The following NEK1 variants were observed in gnomAD, a reference collection of about 807,000 sequenced individuals.
The protein encoded by NEK1 is NIMA related kinase 1, also known as serine/threonine-protein kinase Nek1.
NEK1 carries 137 observed loss-of-function variants against 182.1 expected under a neutral mutation model. The observed-to-expected ratio is 0.75, with a 90% CI of 0.65 to 0.87. The LOEUF is 0.87. Among genes scored for constraint, NEK1 ranks in the 40% least tolerant of loss-of-function variants. The pLI is 0.00. For missense variants in NEK1, 1,391 were observed against 1,494.4 expected (o/e 0.93, Z 1.14); for synonymous variants, 513 against 492.2 (o/e 1.04, Z -0.56).
At chr4:169,514,546 AAC>A (rs1438120564) in intron 19 of NEK1, among the ~76,000 whole-genome samples, 1 of 152,168 alleles carries the variant, frequency 6.6e-6, no homozygotes, top group Non-Finnish European at 1.5e-5. Flanking sequence ...CAACTTTTAA[AAC>A]AGTTATAGGA....
intron 12 of NEK1, among the ~76,000 whole-genome samples, chr4:169,565,864 T>G (rs1763596778): frequency 1.3e-5 from 2 of 152,194 alleles, no homozygotes; most frequent in South Asian, 4.1e-4. Context: ...GATAAAAATG[T>G]TCTAAAATTG....
chr4:169,453,104 A>G (rs2149473312), intron 27 of NEK1, among the ~76,000 whole-genome samples: 1 of 152,348 alleles, frequency 6.6e-6, no homozygotes. Flanking sequence ...TCAACTTACA[A>G]GGGATGTGAA....
chr4:169,422,913 G>A (rs1372835584), intron 31 of NEK1, among the ~76,000 whole-genome samples: 2 of 152,154 alleles, frequency 1.3e-5, no homozygotes, highest in Non-Finnish European at 2.9e-5. Flanking sequence ...TTGTATGATA[G>A]TCCTTATCTA....
intron 8 of NEK1, 101 bp from the exon 9 acceptor site, chr4:169,587,714 C>A: frequency 3.2e-6 from 2 of 630,954 alleles, no homozygotes; most frequent in Admixed American, 3.4e-5. Flanking sequence ...AATATGTGCT[C>A]CAGAAAAAAT....
intron 26 of NEK1, among the ~76,000 whole-genome samples, chr4:169,465,497 G>A (rs1744758138): frequency 6.6e-6 from 1 of 152,046 alleles, no homozygotes; most frequent in Non-Finnish European, 1.5e-5. Context: ...CAGGAAAATT[G>A]TAAAAAGCCC....
At chr4:169,463,422 A>G (rs767878839) in intron 26 of NEK1, 27 bp from the exon 27 acceptor site, 3 of 1,547,196 alleles carry the variant, frequency 1.9e-6, no homozygotes, top group Non-Finnish European at 2.7e-6. Context: ...CAAAGAAACA[A>G]TTTTCAATAA....
intron 23 of NEK1, among the ~76,000 whole-genome samples, chr4:169,503,374 C>A (rs1032673942): frequency 6.6e-6 from 1 of 151,438 alleles, no homozygotes; most frequent in African/African-American, 2.4e-5. Flanking sequence ...ATAAAAAAAC[C>A]TAAAATTCAT....
At chr4:169,512,181 A>G (rs1017688603) in intron 19 of NEK1, among the ~76,000 whole-genome samples, 1 of 152,170 alleles carries the variant, frequency 6.6e-6, no homozygotes, top group Non-Finnish European at 1.5e-5. Flanking sequence ...TTTAGTTTAA[A>G]AAGGAACTGT....
intron 12 of NEK1, among the ~76,000 whole-genome samples, chr4:169,569,240 A>G (rs1764224715): frequency 6.6e-6 from 1 of 152,188 alleles, no homozygotes; most frequent in Non-Finnish European, 1.5e-5. Context: ...CTTCCTTTTC[A>G]TTACCTCAAC....
intron 29 of NEK1, among the ~76,000 whole-genome samples, chr4:169,433,263 T>C (rs752528980): frequency 6.6e-6 from 1 of 152,214 alleles, no homozygotes; most frequent in Non-Finnish European, 1.5e-5. Context: ...TTTTGCCATG[T>C]TGGCCAGGCT....
chr4:169,470,017 G>C (rs1745658079), intron 26 of NEK1, among the ~76,000 whole-genome samples: 1 of 146,268 alleles, frequency 6.8e-6, no homozygotes. Flanking sequence ...GAGCCTATGT[G>C]TGTCCTTGAA....
intron 5 of NEK1, among the ~76,000 whole-genome samples, chr4:169,594,827 G>C (rs932258589): frequency 5.9e-5 from 9 of 152,142 alleles, no homozygotes; most frequent in African/African-American, 1.9e-4. Context: ...TTCACAAAAT[G>C]CATGCTTTAG....
In NEK1 at chr4:169,426,231, C is replaced by T. The variant is rs756830252; in HGVS notation, c.2889G>A (p.Ser963=). 9.5e-5 allele frequency: 153 copies of T among 1,612,412 alleles called. 1 individual carries two copies. In the South Asian group the frequency reaches 1.0e-3, roughly 11 times the overall value. ...TTTCCTGAATGGTGATCCTATCTGC[C>T]GACCTGCCACAGATGGGTACACCAA... The part of the protein sequence containing the change: ...SEEKETKETQ[S]ADRITIQENE... The change falls in exon 30 of 36, where the codon TCG becomes TCA. Residue 963 remains serine (S), a synonymous_variant. Coordinates refer to ENST00000507142, the MANE Select transcript of NEK1 (RefSeq NM_001199397.3).
chr4:169,585,250 T>C, intron 10 of NEK1, 99 bp downstream of exon 10: 1 of 771,678 alleles, frequency 1.3e-6, no homozygotes, highest in Non-Finnish European at 2.1e-6. Context: ...AGGCACACCA[T>C]TCCTCCAAGA....
chr4:169,598,863 G>A (rs1770008632), intron 5 of NEK1, among the ~76,000 whole-genome samples: 1 of 152,118 alleles, frequency 6.6e-6, no homozygotes, highest in African/African-American at 2.4e-5. Context: ...ATAGACGCAT[G>A]ATATATATAA....
At chr4:169,550,221 C>T (rs1761207708) in intron 18 of NEK1, among the ~76,000 whole-genome samples, 1 of 149,060 alleles carries the variant, frequency 6.7e-6, no homozygotes, top group African/African-American at 2.5e-5. Context: ...TTCCCCTACA[C>T]ATGCTCTCTC....
intron 18 of NEK1, among the ~76,000 whole-genome samples, chr4:169,540,019 T>C (rs1183805916): frequency 6.6e-6 from 1 of 152,180 alleles, no homozygotes; most frequent in Non-Finnish European, 1.5e-5. Context: ...ACACCATTTA[T>C]GCATATATAA....
At chr4:169,503,262 T>C (rs1342479300) in intron 23 of NEK1, among the ~76,000 whole-genome samples, 1 of 152,052 alleles carries the variant, frequency 6.6e-6, no homozygotes, top group Non-Finnish European at 1.5e-5. Context: ...TTAATGCCCA[T>C]GGAAGGAGAC....
chr4:169,467,883 T>C (rs1311608284), intron 26 of NEK1, among the ~76,000 whole-genome samples: 1 of 152,098 alleles, frequency 6.6e-6, no homozygotes, highest in African/African-American at 2.4e-5. Flanking sequence ...TAAATGTAAA[T>C]GATCTAAACA....
Sources: gnomAD v4.1 joint callset for allele counts (sites outside exome capture counted in the v4.1 genomes callset) on GRCh38, gnomAD v4.1.1 for gene constraint, MANE v1.5 for transcripts, NCBI Gene and HGNC (gene_info 2026-07-23, HGNC 2026-07-21) for gene names.